SMARCAD1: variants seen among roughly 807,000 people sequenced by gnomAD.
SMARCAD1 encodes SNF2 related chromatin remodeling ATPase with DExD box 1, also known as SWI/SNF-related matrix-associated actin-dependent regulator of chromatin subfamily A containing DEAD/H box 1.
In SMARCAD1, 25 loss-of-function variants were observed where a neutral mutation model predicts 127.1. That is an observed-to-expected ratio of 0.20 (90% CI 0.14 to 0.27). The LOEUF is 0.27. Ranked by LOEUF, SMARCAD1 falls within the 10% of genes least tolerant of loss-of-function variation. The probability of loss-of-function intolerance (pLI) is 1.00; values close to 1 mark genes in which losing one functional copy is unlikely to be tolerated. For synonymous variants in SMARCAD1, 400 were observed against 396.9 expected (o/e 1.01, Z -0.09); for missense variants, 807 against 1,206.0 (o/e 0.67, Z 4.90).
At chr4:94,285,336 C>T (rs972126069) in intron 23 of SMARCAD1, among the ~76,000 whole-genome samples, 1 of 152,116 alleles carries the variant, frequency 6.6e-6, no homozygotes, top group African/African-American at 2.4e-5. Flanking sequence ...GCCTCCTAGT[C>T]GCCCCATCTC....
intron 5 of SMARCAD1, among the ~76,000 whole-genome samples, chr4:94,239,696 C>G (rs1747288961): frequency 6.6e-6 from 1 of 151,922 alleles, no homozygotes; most frequent in South Asian, 2.1e-4. Context: ...CCTCAGCCTT[C>G]CAAGTAGCTG....
intron 9 of SMARCAD1, among the ~76,000 whole-genome samples, chr4:94,262,451 A>T (rs1751138948): frequency 1.3e-5 from 2 of 152,122 alleles, no homozygotes; most frequent in Admixed American, 1.3e-4. Context: ...CTCAACTCAA[A>T]GCCTTCTTAA....
At chr4:94,241,374 A>G (rs758974637) in intron 6 of SMARCAD1, among the ~76,000 whole-genome samples, 25 of 152,152 alleles carry the variant, frequency 1.6e-4, no homozygotes, top group Non-Finnish European at 2.6e-4. Flanking sequence ...TCTTCATTAC[A>G]TTGGGTTCTC....
intron 2 of SMARCAD1, among the ~76,000 whole-genome samples, chr4:94,224,895 A>G (rs1744760424): frequency 1.3e-5 from 2 of 152,244 alleles, no homozygotes; most frequent in African/African-American, 4.8e-5. Flanking sequence ...GACCTACGAG[A>G]GAATTAATGA....
chr4:94,260,184 A>G lies in SMARCAD1; in HGVS notation c.1282-4523A>G, dbSNP rs116681428. On this transcript the variant is annotated intron_variant, in intron 9 of 23. Transcript: ENST00000354268. ...TACTTTCTGTAAAACGATCATTAGA[A>G]GGTTAAATGCACCCACCAATATTAT... Among the ~76,000 whole-genome samples, 441 of 152,278 alleles carry G rather than the reference A, an allele frequency of 2.9e-3. 2 individuals are homozygous for G. Among genetic ancestry groups the G allele is most frequent in the African/African-American group, 0.01 (420 of 41,558 alleles).
chr4:94,291,034 A>G lies in SMARCAD1; in HGVS notation c.*1500A>G, dbSNP rs8026. On this transcript the variant is annotated 3_prime_UTR_variant, in exon 24 of 24. Transcript: ENST00000354268. ...CATTACAGGGCTAAAAGGAGTCTTC[A>G]TGTGTTAATACTACCTCCTTGTACA... is the stretch of plus-strand genomic sequence containing the variant. 0.43 allele frequency: 189,230 copies of G among 437,872 alleles called. 44,195 individuals are homozygous for G. The highest frequency in any genetic ancestry group is 0.72 in the East Asian group (10,258 of 14,302). 27.1% of individuals were successfully genotyped at this position (437,872 alleles called of 1,614,324 possible). A position where few individuals can be genotyped will look rare whatever the true frequency, so the allele number is the denominator to read the frequency against.
At chr4:94,224,583 T>G (rs552006648) in intron 2 of SMARCAD1, among the ~76,000 whole-genome samples, 1 of 148,910 alleles carries the variant, frequency 6.7e-6, no homozygotes, top group East Asian at 1.9e-4. Flanking sequence ...GATTTCAGAT[T>G]TTAGAACATT....
intron 3 of SMARCAD1, among the ~76,000 whole-genome samples, chr4:94,227,427 T>C (rs1745198506): frequency 6.6e-6 from 1 of 152,170 alleles, no homozygotes; most frequent in African/African-American, 2.4e-5. Flanking sequence ...ATAAATATTG[T>C]TGTAATAACC....
At chr4:94,247,965 C>T (rs1748708097) in intron 6 of SMARCAD1, among the ~76,000 whole-genome samples, 1 of 152,070 alleles carries the variant, frequency 6.6e-6, no homozygotes, top group African/African-American at 2.4e-5. Context: ...GATAGTACTC[C>T]ATAGGTAGTT....
rs1268623301 is a variant in SMARCAD1 at position 94,284,792 on chromosome 4, AAGTT to A, written c.2910-166_2910-163del. ...TTCTTCCATCTGTAGGAGTGTCTAA[AAGTT>A]AAATAGTCAGAAAATGTCAGTCTCA... On this transcript the variant is annotated intron_variant, in intron 22 of 23. Transcript: ENST00000354268. Among the ~76,000 whole-genome samples the A allele has an allele frequency of 2.0e-5, 3 of 152,090 alleles. No homozygotes were observed. In the East Asian group the frequency reaches 5.8e-4, roughly 29 times the overall value.
chr4:94,222,662 G>C (rs866930067), intron 2 of SMARCAD1, among the ~76,000 whole-genome samples: 10 of 151,956 alleles, frequency 6.6e-5, no homozygotes, highest in African/African-American at 1.7e-4. Context: ...GCATATTAAA[G>C]GTTAATTTTA....
At position 94,253,030 on chromosome 4, in the gene SMARCAD1, C is replaced by T. The variant is rs369463405; in HGVS notation, c.1281+23C>T. The stretch of plus-strand genomic sequence containing the variant: ...CTGGTAAGGCTTTATTCTTTTTTTC[C>T]CCTTGTATGTGTGTGTGTATTTAAT... On this transcript the variant is annotated intron_variant, in intron 9 of 23. Coordinates refer to ENST00000354268, the MANE Select transcript of SMARCAD1 (RefSeq NM_020159.5). 1.8e-5 allele frequency: 29 copies of T among 1,606,736 alleles called. No individual in the cohort carries two copies. In the African/African-American group the frequency reaches 3.5e-4, roughly 19 times the overall value.
intron 10 of SMARCAD1, among the ~76,000 whole-genome samples, chr4:94,269,589 G>A (rs190258554): frequency 2.6e-5 from 4 of 151,368 alleles, no homozygotes; most frequent in Non-Finnish European, 5.9e-5. Context: ...AATGATATCT[G>A]TGCCTATGTA....
chr4:94,216,474 A>G (rs1218548403), intron 2 of SMARCAD1, among the ~76,000 whole-genome samples: 1 of 152,168 alleles, frequency 6.6e-6, no homozygotes, highest in Non-Finnish European at 1.5e-5. Flanking sequence ...AATACACATA[A>G]GAAAATTTAC....
chr4:94,278,316 A>G, intron 16 of SMARCAD1, 106 bp from the exon 17 acceptor site: 1 of 997,816 alleles, frequency 1.0e-6, no homozygotes. Context: ...TCTGCAGAAA[A>G]TAACTCAGAC....
intron 2 of SMARCAD1, among the ~76,000 whole-genome samples, chr4:94,221,917 A>T (rs771755639): frequency 1.3e-5 from 2 of 152,214 alleles, no homozygotes; most frequent in Non-Finnish European, 2.9e-5. Flanking sequence ...TTGAGAAGAA[A>T]TGATAGGACA....
chr4:94,235,229 C>CTT lies in SMARCAD1; in HGVS notation c.537+1135_537+1136dup, dbSNP rs35123705. Reference sequence around the variant, plus strand: ...TCCCAGTCCCAGGCAACCACCAATCCTTTTTTTTTTTTTTTTTTTTTTTTT... The same window carrying CTT: ...TCCCAGTCCCAGGCAACCACCAATCCTTTTTTTTTTTTTTTTTTTTTTTTTTT... On this transcript the variant is annotated intron_variant, in intron 4 of 23. Coordinates refer to ENST00000354268, the MANE Select transcript of SMARCAD1 (RefSeq NM_020159.5). Among the ~76,000 whole-genome samples the CTT allele has an allele frequency of 2.6e-3, 103 of 39,304 alleles. 2 individuals carry two copies. Among genetic ancestry groups the CTT allele is most frequent in the African/African-American group, 9.4e-3 (94 of 10,030 alleles). 25.8% of individuals were successfully genotyped at this position (39,304 alleles called of 152,430 possible).
chr4:94,224,770 A>G (rs1744740644), intron 2 of SMARCAD1, among the ~76,000 whole-genome samples: 1 of 152,094 alleles, frequency 6.6e-6, no homozygotes. Context: ...CTCCTATATG[A>G]CTTTGGGCAA....
intron 10 of SMARCAD1, among the ~76,000 whole-genome samples, chr4:94,269,006 G>T (rs1347314207): frequency 6.6e-6 from 1 of 152,010 alleles, no homozygotes; most frequent in Non-Finnish European, 1.5e-5. Flanking sequence ...TTAAAATTCA[G>T]CAAAAGAATT....
Sources: gnomAD v4.1 joint callset for allele counts (sites outside exome capture counted in the v4.1 genomes callset) on GRCh38, gnomAD v4.1.1 for gene constraint, MANE v1.5 for transcripts, NCBI Gene and HGNC (gene_info 2026-07-23, HGNC 2026-07-21) for gene names.